The following COBL variants were observed in gnomAD, a reference collection of about 807,000 sequenced individuals.
COBL encodes protein cordon-bleu.
COBL carries 51 observed loss-of-function variants against 98.8 expected under a neutral mutation model. That is an observed-to-expected ratio of 0.52 (90% confidence interval 0.41 to 0.65). The LOEUF is 0.65. Ranked by LOEUF, COBL falls within the 30% of genes least tolerant of loss-of-function variation. The probability of loss-of-function intolerance (pLI) is 0.00; values close to 1 mark genes in which losing one functional copy is unlikely to be tolerated. For missense variants in COBL, 1,617 were observed against 1,617.5 expected, an observed-to-expected ratio of 1.00 and a Z score of 0.01; for synonymous variants, 634 against 651.7, an observed-to-expected ratio of 0.97 and a Z score of 0.41.
At chr7:51,189,404 C>T (rs1240907173) in intron 4 of COBL, among the ~76,000 whole-genome samples, 1 of 152,162 alleles carries the variant, frequency 6.6e-6, no homozygotes, top group Non-Finnish European at 1.5e-5. Context: ...GAGGCCAAGG[C>T]AGGCGGATCA....
intron 5 of COBL, among the ~76,000 whole-genome samples, chr7:51,179,764 A>T (rs963543005): frequency 2.0e-5 from 3 of 152,166 alleles, no homozygotes; most frequent in African/African-American, 7.2e-5. Context: ...CCGTTGAACA[A>T]CGCAAAAAGA....
intron 8 of COBL, among the ~76,000 whole-genome samples, chr7:51,039,064 G>C (rs1374521510): frequency 3.9e-5 from 6 of 152,214 alleles, no homozygotes; most frequent in African/African-American, 1.4e-4. Context: ...CAGGAACGGT[G>C]ATCATGCCCT....
At position 51,284,646 on chromosome 7, in the gene COBL, G is replaced by A. The variant is rs770013084; in HGVS notation, c.41+31947C>T. 7.3e-4 allele frequency among the ~76,000 whole-genome samples: 110 copies of A among 151,710 alleles called. 1 individual carries two copies. The highest frequency in any genetic ancestry group is 7.2e-3 in the Admixed American group (110 of 15,242). Reference sequence around the variant, plus strand: ...GTTCGAGACCAGCCTGGCCAACATAGTGAAACCCCATCACTACTAAAAATA... The same window carrying A: ...GTTCGAGACCAGCCTGGCCAACATAATGAAACCCCATCACTACTAAAAATA... On this transcript the variant is annotated intron_variant, in intron 1 of 12. Coordinates refer to ENST00000265136, the MANE Select transcript of COBL (RefSeq NM_015198.5).
chr7:51,210,146 C>T (rs748050837), intron 2 of COBL, among the ~76,000 whole-genome samples: 2 of 152,144 alleles, frequency 1.3e-5, no homozygotes, highest in Non-Finnish European at 2.9e-5. Context: ...ACAATGTGGG[C>T]CTTTACACCC....
At chr7:51,308,331 G>A (rs1210839294) in intron 1 of COBL, among the ~76,000 whole-genome samples, 4 of 152,056 alleles carry the variant, frequency 2.6e-5, no homozygotes, top group African/African-American at 2.4e-5. Flanking sequence ...TTTGAAAACC[G>A]CCAGAACTGA....
At chr7:51,292,077 G>A (rs1407426708) in intron 1 of COBL, among the ~76,000 whole-genome samples, 1 of 151,764 alleles carries the variant, frequency 6.6e-6, no homozygotes, top group Non-Finnish European at 1.5e-5. Flanking sequence ...AACCCAGGAG[G>A]CGGAGGCTGT....
intron 5 of COBL, among the ~76,000 whole-genome samples, chr7:51,183,500 C>A (rs1789188240): frequency 6.6e-6 from 1 of 152,040 alleles, no homozygotes; most frequent in Non-Finnish European, 1.5e-5. Context: ...GGTACTATGA[C>A]TTAATTACTC....
chr7:51,289,299 C>T (rs1335162505), intron 1 of COBL, among the ~76,000 whole-genome samples: 2 of 152,198 alleles, frequency 1.3e-5, no homozygotes, highest in African/African-American at 2.4e-5. Context: ...ATTGTCTGCT[C>T]TCCTAAGTCA....
At chr7:51,199,936 C>A (rs1790958388) in intron 2 of COBL, among the ~76,000 whole-genome samples, 1 of 152,018 alleles carries the variant, frequency 6.6e-6, no homozygotes, top group African/African-American at 2.4e-5. Context: ...ATATATTAAA[C>A]AAAAAGAGCA....
At chr7:51,033,672 G>A (rs1382235866) in intron 8 of COBL, 1 of 152,250 alleles carries the variant, frequency 6.6e-6, no homozygotes, top group Non-Finnish European at 1.5e-5. Flanking sequence ...GTGCTTGGTT[G>A]AGTTCAAAGC....
At chr7:51,227,052 G>A (rs1794271934) in intron 1 of COBL, among the ~76,000 whole-genome samples, 1 of 152,078 alleles carries the variant, frequency 6.6e-6, no homozygotes. Flanking sequence ...ACAAGCACCG[G>A]GGTTCCTGGC....
intron 5 of COBL, among the ~76,000 whole-genome samples, chr7:51,138,020 T>C (rs747393637): frequency 2.0e-5 from 3 of 152,142 alleles, no homozygotes; most frequent in Non-Finnish European, 2.9e-5. Context: ...TGAAAAAAAA[T>C]TGAGTCACAG....
intron 6 of COBL, among the ~76,000 whole-genome samples, chr7:51,110,792 G>A (rs953503989): frequency 6.6e-6 from 1 of 152,196 alleles, no homozygotes; most frequent in Non-Finnish European, 1.5e-5. Flanking sequence ...ACGATGTTTG[G>A]TTTTCCATTC....
chr7:51,029,115 G>A lies in COBL; in HGVS notation c.1981C>T (p.Gln661Ter). Residue 661 changes from glutamine to a stop codon, truncating the protein, a stop_gained, in exon 10 of 13, where the codon CAA (glutamine) becomes TAA (stop). Transcript: ENST00000265136. LOFTEE classifies it high-confidence loss of function. ...VYGCADGERT[Q>*]ATERVNSQPV... ...TGGGAATTCACTCTCTCTGTGGCTT[G>A]AGTCCTCTCCCCGTCAGCACAGCCA... 6.2e-7 allele frequency: 1 copy of A among 1,614,066 alleles called. No homozygotes were observed. The highest frequency in any genetic ancestry group is 8.5e-7 in the Non-Finnish European group (1 of 1,180,012).
intron 1 of COBL, among the ~76,000 whole-genome samples, chr7:51,235,752 A>G (rs1242161298): frequency 1.3e-5 from 2 of 152,122 alleles, no homozygotes; most frequent in African/African-American, 4.8e-5. Flanking sequence ...TAAAGAACAC[A>G]AAAGCACAAC....
intron 7 of COBL, among the ~76,000 whole-genome samples, chr7:51,050,351 T>G (rs1475503239): frequency 6.6e-6 from 1 of 152,228 alleles, no homozygotes; most frequent in African/African-American, 2.4e-5. Context: ...GTTATTCCAC[T>G]GTAACACAGA....
rs185063275 is a variant in COBL at position 51,198,118 on chromosome 7, T to C, written c.246-4529A>G. Among the ~76,000 whole-genome samples, 245 of 152,342 alleles carry C rather than the reference T, an allele frequency of 1.6e-3. 1 individual carries two copies. The highest frequency in any genetic ancestry group is 5.7e-3 in the African/African-American group (238 of 41,582). On this transcript the variant is annotated intron_variant, in intron 2 of 12. Transcript: ENST00000265136. ...GTTGCTTTATAGTGTCAGTAGTCTG[T>C]GTACTTTAGTGTTAGTAGCTGGTAA...
In COBL at chr7:51,137,481, G is replaced by T. The variant is rs533970282; in HGVS notation, c.784-1150C>A. On this transcript the variant is annotated intron_variant, in intron 5 of 12. Coordinates refer to ENST00000265136, the MANE Select transcript of COBL (RefSeq NM_015198.5). ...GGGTGTGGTCATGCTCACCTTTAGT[G>T]CTAGCTACTTGGGATGCTAAGGTGG... 2.6e-4 allele frequency among the ~76,000 whole-genome samples: 40 copies of T among 152,136 alleles called. No homozygotes were observed. In the South Asian group the frequency reaches 7.9e-3, roughly 30 times the overall value.
At chr7:51,281,866 C>T (rs533407772) in intron 1 of COBL, among the ~76,000 whole-genome samples, 174 of 152,106 alleles carry the variant, frequency 1.1e-3, no homozygotes, top group Non-Finnish European at 2.3e-3. Context: ...AACATCTAGG[C>T]CAATACATGA....
Sources: allele counts gnomAD v4.1 joint callset (sites outside exome capture counted in the v4.1 genomes callset), GRCh38; gene constraint gnomAD v4.1.1; transcripts MANE v1.5; gene names NCBI Gene and HGNC (gene_info 2026-07-23, HGNC 2026-07-21).